Variants in DPP6 observed in about 807,000 individuals in gnomAD.
DPP6 encodes A-type potassium channel modulatory protein DPP6.
DPP6 carries 69 observed loss-of-function variants against 122.6 expected under a neutral mutation model. The observed-to-expected ratio is 0.56, with a 90% CI of 0.46 to 0.69. DPP6 has a LOEUF of 0.69. Ranked by LOEUF, DPP6 falls within the 30% of genes least tolerant of loss-of-function variation. DPP6 has a pLI of 0.00. For synonymous variants in DPP6, 418 were observed against 433.1 expected, an observed-to-expected ratio of 0.97 and a Z score of 0.43; for missense variants, 928 against 1,116.9, an observed-to-expected ratio of 0.83 and a Z score of 2.41.
intron 1 of DPP6, among the ~76,000 whole-genome samples, chr7:154,256,239 G>T (rs1449701226): frequency 1.3e-5 from 2 of 152,144 alleles, no homozygotes; most frequent in Non-Finnish European, 2.9e-5. Context: ...TCCAGTAGTG[G>T]CCGTAATTTA....
At chr7:154,874,397 C>T (rs1193617492) in intron 19 of DPP6, among the ~76,000 whole-genome samples, 1 of 152,198 alleles carries the variant, frequency 6.6e-6, no homozygotes. Flanking sequence ...GCAACCCCAC[C>T]CCCTGGGTGC....
At chr7:154,154,574 A>G (rs1188403477) in intron 1 of DPP6, among the ~76,000 whole-genome samples, 1 of 152,260 alleles carries the variant, frequency 6.6e-6, no homozygotes, top group African/African-American at 2.4e-5. Context: ...TCACAGTATT[A>G]CCACATTGTT....
At chr7:153,973,617 G>A (rs963144303) in intron 1 of DPP6, among the ~76,000 whole-genome samples, 1 of 148,438 alleles carries the variant, frequency 6.7e-6, no homozygotes, top group African/African-American at 2.5e-5. Context: ...TTAGAGTAAC[G>A]TGTTCACCAT....
At chr7:154,681,222 C>G (rs1244493678) in intron 7 of DPP6, among the ~76,000 whole-genome samples, 1 of 152,138 alleles carries the variant, frequency 6.6e-6, no homozygotes, top group Non-Finnish European at 1.5e-5. Flanking sequence ...GAAGATAAAC[C>G]CTATTTTCTT....
At chr7:154,103,861 T>C (rs1805942271) in intron 1 of DPP6, among the ~76,000 whole-genome samples, 1 of 152,248 alleles carries the variant, frequency 6.6e-6, no homozygotes, top group Admixed American at 6.5e-5. Flanking sequence ...TGCTAGTGGT[T>C]TGCCGGGGGC....
intron 10 of DPP6, among the ~76,000 whole-genome samples, chr7:154,785,064 C>T (rs557437720): frequency 1.3e-5 from 2 of 152,310 alleles, no homozygotes; most frequent in African/African-American, 4.8e-5. Context: ...TGAGAGCTAG[C>T]CAATAGGTTC....
At chr7:154,715,686 T>C in intron 7 of DPP6, among the ~76,000 whole-genome samples, 1 of 152,230 alleles carries the variant, frequency 6.6e-6, no homozygotes, top group Non-Finnish European at 1.5e-5. Flanking sequence ...TTCCCCTGGC[T>C]GTCACCCTCA....
intron 1 of DPP6, among the ~76,000 whole-genome samples, chr7:154,369,935 A>G (rs1189387410): frequency 1.3e-5 from 2 of 152,140 alleles, no homozygotes; most frequent in African/African-American, 2.4e-5. Context: ...ATAAATAAAC[A>G]CATCATATTC....
At chr7:154,467,969 G>A (rs1241276312) in intron 2 of DPP6, among the ~76,000 whole-genome samples, 1 of 152,108 alleles carries the variant, frequency 6.6e-6, no homozygotes, top group African/African-American at 2.4e-5. Context: ...CTCTCAGGAT[G>A]GCAGTATCTT....
chr7:154,011,112 C>T (rs1798134591), intron 1 of DPP6, among the ~76,000 whole-genome samples: 1 of 152,106 alleles, frequency 6.6e-6, no homozygotes, highest in Admixed American at 6.5e-5. Flanking sequence ...GATCATCTGC[C>T]CTGGGCCACA....
intron 1 of DPP6, among the ~76,000 whole-genome samples, chr7:154,257,038 C>T (rs1479469038): frequency 7.0e-6 from 1 of 143,516 alleles, no homozygotes; most frequent in Admixed American, 7.2e-5. Flanking sequence ...ACTCTGTTGC[C>T]TGGGTTGGAA....
chr7:153,860,981 GTGT>G, the DPP6 span, among the ~76,000 whole-genome samples: 1 of 152,168 alleles, frequency 6.6e-6, no homozygotes, highest in Non-Finnish European at 1.5e-5. Flanking sequence ...AAAGTAGCAG[GTGT>G]TGTGAAATTG....
chr7:154,666,183 G>GTATA (rs377270855), intron 6 of DPP6, among the ~76,000 whole-genome samples: 656 of 32,836 alleles, frequency 0.02, 6 homozygotes, highest in African/African-American at 0.053. Context: ...ATATATGTGT[G>GTATA]TATATATATA....
rs536982526 is a variant in DPP6, at chr7:153,938,015, G to C, written c.51+50281G>C. On this transcript the variant is annotated intron_variant, in intron 1 of 25. Transcript: ENST00000404039. ...CGAGGGCTGTCCTAGTTCTCTCTTAGTAAGGAGAACCTCTGAGACAGGGGC... is the reference window on the plus strand; with the variant it reads ...CGAGGGCTGTCCTAGTTCTCTCTTACTAAGGAGAACCTCTGAGACAGGGGC... Among the ~76,000 whole-genome samples the C allele has an allele frequency of 3.3e-5, 5 of 152,292 alleles. No homozygotes were observed. The East Asian group carries it at 9.7e-4, about 29-fold the overall frequency.
chr7:154,016,708 T>C (rs1361698387), intron 1 of DPP6, among the ~76,000 whole-genome samples: 2 of 152,216 alleles, frequency 1.3e-5, no homozygotes, highest in African/African-American at 4.8e-5. Context: ...TTGGTAGTTT[T>C]AGATTTTGGG....
the DPP6 span, among the ~76,000 whole-genome samples, chr7:153,865,172 C>T: frequency 1.4e-4 from 22 of 151,948 alleles, no homozygotes; most frequent in Admixed American, 2.6e-4. Flanking sequence ...TATACAGGAC[C>T]GAAAGAATAA....
At chr7:154,115,773 G>A (rs1032037431) in intron 1 of DPP6, among the ~76,000 whole-genome samples, 4 of 152,178 alleles carry the variant, frequency 2.6e-5, no homozygotes, top group African/African-American at 9.7e-5. Flanking sequence ...GTAAGGTGGG[G>A]ACAGTACAAA....
intron 1 of DPP6, among the ~76,000 whole-genome samples, chr7:154,060,597 C>G (rs1475458312): frequency 2.3e-5 from 3 of 133,310 alleles, no homozygotes; most frequent in Admixed American, 1.5e-4. Flanking sequence ...GAGAGCCAGT[C>G]CCTCTTCCCC....
rs35969198 is a variant in DPP6, at chr7:154,879,416, T to TA, written c.2079-1457dup. Among the ~76,000 whole-genome samples the TA allele has an allele frequency of 1.8e-3, 212 of 117,900 alleles. 34 individuals carry two copies. In the East Asian group the frequency reaches 0.028, roughly 16 times the overall value. The allele number at this position is 117,900 out of a possible 152,430, so 77.3% of individuals were successfully genotyped here. A position where few individuals can be genotyped will look rare whatever the true frequency, so the allele number is the denominator to read the frequency against. The stretch of plus-strand genomic sequence containing the variant: ...TAACACGGTGAAACCCCGTCTCTAC[T>TA]AAAAAAAAAAAAAAATACAAAAAAT... On this transcript the variant is annotated intron_variant, in intron 20 of 25. Transcript: ENST00000377770.
Sources: gnomAD v4.1 joint callset for allele counts (sites outside exome capture counted in the v4.1 genomes callset) on GRCh38, gnomAD v4.1.1 for gene constraint, MANE v1.5 for transcripts, NCBI Gene and HGNC (gene_info 2026-07-23, HGNC 2026-07-21) for gene names.